The following TMC1 variants were observed in gnomAD, a reference collection of about 807,000 sequenced individuals.
TMC1 encodes the protein transmembrane channel-like protein 1.
Under a neutral mutation model 105.8 loss-of-function variants are expected in TMC1, and 84 were observed. The observed-to-expected ratio is 0.79, with a 90% confidence interval of 0.67 to 0.95. TMC1 has a LOEUF of 0.95. TMC1 is among the 40% of genes least tolerant of loss of function. The pLI, the probability that TMC1 is intolerant of heterozygous loss-of-function variation, is 0.00. For synonymous variants in TMC1, 315 were observed against 311.5 expected, an observed-to-expected ratio of 1.01 and a Z score of -0.12; for missense variants, 817 against 914.1, an observed-to-expected ratio of 0.89 and a Z score of 1.37.
chr9:72,548,294 G>T (rs949920252), intron 1 of TMC1, among the ~76,000 whole-genome samples: 2 of 152,156 alleles, frequency 1.3e-5, no homozygotes, highest in Non-Finnish European at 2.9e-5. Flanking sequence ...CTATAGGGCT[G>T]GGCACAGTGG....
rs895639905 is a variant in TMC1 at position 72,667,959 on chromosome 9, T to A, written c.16+19295T>A. Among the ~76,000 whole-genome samples the A allele has an allele frequency of 1.2e-4, 19 of 152,218 alleles. 1 individual carries two copies. Among genetic ancestry groups the A allele is most frequent in the Non-Finnish European group, 4.4e-5 (3 of 68,040 alleles). Reference sequence around the variant, plus strand: ...AGCTGCCTGGAATGTCTTCTTTCTCTCAGTTCCTATCTTTGACATTAAAAA... The same window carrying A: ...AGCTGCCTGGAATGTCTTCTTTCTCACAGTTCCTATCTTTGACATTAAAAA... On this transcript the variant is annotated intron_variant, in intron 5 of 23. Coordinates refer to ENST00000297784, the MANE Select transcript of TMC1 (RefSeq NM_138691.3).
intron 21 of TMC1, 147 bp downstream of exon 21, chr9:72,827,141 G>T: frequency 9.2e-7 from 1 of 1,091,674 alleles, no homozygotes; most frequent in Non-Finnish European, 1.4e-6. Context: ...GTGGTGAGAG[G>T]CTAAAATTCA....
At chr9:72,827,524 A>G (rs1454684626) in intron 21 of TMC1, among the ~76,000 whole-genome samples, 2 of 152,240 alleles carry the variant, frequency 1.3e-5, no homozygotes, top group African/African-American at 4.8e-5. Context: ...TAATAGAATC[A>G]GAGGACCAGA....
intron 8 of TMC1, among the ~76,000 whole-genome samples, chr9:72,739,645 CT>C (rs368869415): frequency 1.3e-4 from 19 of 150,878 alleles, no homozygotes; most frequent in East Asian, 3.9e-4. Context: ...GTCATAATTG[CT>C]TTTTTTTTAC....
At chr9:72,613,684 G>C (rs926449388) in intron 2 of TMC1, among the ~76,000 whole-genome samples, 1 of 152,068 alleles carries the variant, frequency 6.6e-6, no homozygotes, top group African/African-American at 2.4e-5. Context: ...TGGGTGCTGT[G>C]GGGGTCGGAG....
At chr9:72,557,541 T>TA (rs923475501) in intron 1 of TMC1, among the ~76,000 whole-genome samples, 1 of 151,756 alleles carries the variant, frequency 6.6e-6, no homozygotes, top group Non-Finnish European at 1.5e-5. Flanking sequence ...CAACAACTGT[T>TA]AAAAAAAAAT....
chr9:72,609,067 C>G (rs974101248), intron 2 of TMC1, among the ~76,000 whole-genome samples: 2 of 152,058 alleles, frequency 1.3e-5, no homozygotes, highest in African/African-American at 4.8e-5. Context: ...CTCCCCTCCT[C>G]TTTTCTTCCT....
intron 1 of TMC1, among the ~76,000 whole-genome samples, chr9:72,575,765 C>T (rs559790756): frequency 1.3e-5 from 2 of 152,248 alleles, no homozygotes; most frequent in Admixed American, 6.5e-5. Context: ...TTCTCTGGCT[C>T]ATTTTGTATT....
chr9:72,647,205 T>G (rs967058650), intron 4 of TMC1, among the ~76,000 whole-genome samples: 1 of 151,066 alleles, frequency 6.6e-6, no homozygotes, highest in African/African-American at 2.4e-5. Flanking sequence ...ATCTCTTACT[T>G]TTTTTTTAGT....
At chr9:72,732,827 A>G (rs954469173) in intron 8 of TMC1, among the ~76,000 whole-genome samples, 2 of 152,152 alleles carry the variant, frequency 1.3e-5, no homozygotes, top group Non-Finnish European at 2.9e-5. Context: ...TGAGATGGGG[A>G]TAATAATGGT....
chr9:72,782,738 G>A (rs559529761), intron 13 of TMC1, among the ~76,000 whole-genome samples: 40 of 152,250 alleles, frequency 2.6e-4, no homozygotes, highest in African/African-American at 8.9e-4. Flanking sequence ...AACCAGGGAG[G>A]TGAAAGATCT....
At chr9:72,817,625 G>A (rs1282453660) in intron 19 of TMC1, among the ~76,000 whole-genome samples, 2 of 152,160 alleles carry the variant, frequency 1.3e-5, no homozygotes. Context: ...GACATATGCT[G>A]CACGTCGATT....
chr9:72,684,920 T>A (rs567732004), intron 5 of TMC1, among the ~76,000 whole-genome samples: 3 of 152,194 alleles, frequency 2.0e-5, no homozygotes, highest in Non-Finnish European at 4.4e-5. Flanking sequence ...TCAAGAAAGT[T>A]TAGTCTGAGG....
chr9:72,797,297 G>C (rs1828387339), intron 17 of TMC1, among the ~76,000 whole-genome samples: 1 of 152,156 alleles, frequency 6.6e-6, no homozygotes, highest in Non-Finnish European at 1.5e-5. Flanking sequence ...ACTGCCCAAA[G>C]TAATTTATAG....
intron 8 of TMC1, among the ~76,000 whole-genome samples, chr9:72,702,495 A>G (rs896156559): frequency 2.0e-5 from 3 of 152,140 alleles, no homozygotes; most frequent in Admixed American, 2.0e-4. Context: ...AATTTATGTA[A>G]AACATGTTGC....
chr9:72,688,980 C>T (rs1826418654), intron 6 of TMC1, among the ~76,000 whole-genome samples: 1 of 151,980 alleles, frequency 6.6e-6, no homozygotes, highest in African/African-American at 2.4e-5. Flanking sequence ...TGATTGCTTG[C>T]TGAAAAATCA....
At chr9:72,789,449 C>T in intron 15 of TMC1, 132 bp downstream of exon 15, 3 of 770,328 alleles carry the variant, frequency 3.9e-6, no homozygotes, top group Non-Finnish European at 4.4e-6. Flanking sequence ...AGTTAACCAA[C>T]CCTGTTGCTC....
chr9:72,784,423 A>G (rs1273676591), intron 13 of TMC1, among the ~76,000 whole-genome samples: 1 of 152,080 alleles, frequency 6.6e-6, no homozygotes, highest in African/African-American at 2.4e-5. Context: ...ACAAACAAAC[A>G]AACAAACAAA....
chr9:72,672,769 T>A (rs1397869673), intron 5 of TMC1, among the ~76,000 whole-genome samples: 2 of 151,816 alleles, frequency 1.3e-5, no homozygotes, highest in African/African-American at 4.8e-5. Flanking sequence ...CTCATGCCTG[T>A]AATTCCAGCA....
Sources: allele counts gnomAD v4.1 joint callset (sites outside exome capture counted in the v4.1 genomes callset), GRCh38; gene constraint gnomAD v4.1.1; transcripts MANE v1.5; gene names NCBI Gene and HGNC (gene_info 2026-07-23, HGNC 2026-07-21).